The following HADHA variants were observed in gnomAD, a reference collection of about 807,000 sequenced individuals.
The protein encoded by HADHA is trifunctional enzyme subunit alpha, mitochondrial.
HADHA carries 59 observed loss-of-function variants against 91.3 expected under a neutral mutation model. That is an observed-to-expected ratio of 0.65 (90% confidence interval 0.52 to 0.80). HADHA has a LOEUF of 0.80. Among genes scored for constraint, HADHA ranks in the 30% least tolerant of loss-of-function variants. The probability of loss-of-function intolerance (pLI) is 0.00; values close to 1 mark genes in which losing one functional copy is unlikely to be tolerated. For missense variants in HADHA, 800 were observed against 927.6 expected (o/e 0.86, Z 1.79); for synonymous variants, 320 against 338.9 (o/e 0.94, Z 0.61).
chr2:26,205,929 AT>A (rs1434362548), intron 11 of HADHA, among the ~76,000 whole-genome samples: 6 of 152,182 alleles, frequency 3.9e-5, no homozygotes, highest in African/African-American at 7.2e-5. Flanking sequence ...GCATATATCA[AT>A]TTAAAAAGAC....
At position 26,230,245 on chromosome 2, in the gene HADHA, C is replaced by T. The variant is rs767488071; in HGVS notation, c.623G>A (p.Arg208His). The T allele has an allele frequency of 5.0e-6, 8 of 1,613,632 alleles. No individual in the cohort carries two copies. Among genetic ancestry groups the T allele is most frequent in the African/African-American group, 2.7e-5 (2 of 74,858 alleles). Residue 208 changes from arginine to histidine, a missense_variant, in exon 7 of 20, where the codon CGT (arginine) becomes CAT (histidine). Physicochemically the swap from Arg to His is conservative, Grantham distance 29. Transcript: ENST00000380649. Reference protein sequence around the residue: ...LDMMLTGRSIRADRAKKMGLV... With the variant: ...LDMMLTGRSIHADRAKKMGLV... ...TCCCATTTTCTTTGCCCTGTCTGCA[C>T]GAATGCTTCTACCAGTCAGCATCAT...
chr2:26,207,280 A>T (rs1016104862), intron 11 of HADHA, among the ~76,000 whole-genome samples: 4 of 151,270 alleles, frequency 2.6e-5, no homozygotes, highest in African/African-American at 9.7e-5. Context: ...ATTTATGATA[A>T]TTTTTTTGAA....
rs373288098 is a variant in HADHA at position 26,234,631 on chromosome 2, T to A, written c.315-276A>T. On this transcript the variant is annotated intron_variant, in intron 4 of 19. Coordinates refer to ENST00000380649, the MANE Select transcript of HADHA (RefSeq NM_000182.5). ...AATACAAAAAATTAGCTGGGCATAG[T>A]GGCGGGCGCCTGTAGTCCCAGCTAC... Among the ~76,000 whole-genome samples the A allele has an allele frequency of 1.8e-4, 27 of 152,024 alleles. No homozygotes were observed. The East Asian group carries it at 3.9e-3, about 22-fold the overall frequency.
At chr2:26,227,514 A>G (rs1670513634) in intron 7 of HADHA, among the ~76,000 whole-genome samples, 1 of 149,440 alleles carries the variant, frequency 6.7e-6, no homozygotes, top group African/African-American at 2.4e-5. Context: ...TTTGTCTCAA[A>G]AAAAAAAAAA....
Position 26,191,562 on chromosome 2 carries a change from C to A in HADHA, c.2067G>T (p.Leu689=). The change falls in exon 19 of 20, where the codon CTG becomes CTT. Residue 689 remains leucine (L), a synonymous_variant. Coordinates refer to ENST00000380649, the MANE Select transcript of HADHA (RefSeq NM_000182.5). ...TRFVNEAVMC[L]QEGILATPAE... is the part of the protein sequence containing the mutation. ...CAGGTGTGGCCAAGATCCCCTCTTG[C>A]AGGCACATGACTGCCTCATTCACAA... The A allele has an allele frequency of 6.2e-7, 1 of 1,614,152 alleles. No homozygotes were observed. Among genetic ancestry groups the A allele is most frequent in the Non-Finnish European group, 8.5e-7 (1 of 1,179,970 alleles).
rs1670556700 is a variant in HADHA, at chr2:26,229,290, T to G, written c.676+902A>C. On this transcript the variant is annotated intron_variant, in intron 7 of 19. Transcript: ENST00000380649. This position sits in a 1 kb window ranked among gnomAD's most constrained non-coding sequence, Gnocchi z 4.3. Reference sequence around the variant, plus strand: ...AAAGTTGAGGTTGCAACAAGCTATATTCACACCACCATATTCCAGTCTGAG... The same window carrying G: ...AAAGTTGAGGTTGCAACAAGCTATAGTCACACCACCATATTCCAGTCTGAG... Among the ~76,000 whole-genome samples the G allele has an allele frequency of 6.6e-6, 1 of 151,470 alleles. No homozygotes were observed. Among genetic ancestry groups the G allele is most frequent in the South Asian group, 2.1e-4 (1 of 4,812 alleles).
rs758107197 is a variant in HADHA at position 26,234,239 on chromosome 2, G to A, written c.431C>T (p.Ser144Phe). Residue 144 changes from serine to phenylalanine, a missense_variant, in exon 5 of 20, where the codon TCC becomes TTC. By Grantham distance (155) the Ser-to-Phe change is radical (BLOSUM62 -2). Coordinates refer to ENST00000380649, the MANE Select transcript of HADHA (RefSeq NM_000182.5). ...TKPIVAAINGSCLGGGLEVAI... is the reference protein window; with the variant it reads ...TKPIVAAINGFCLGGGLEVAI... ...TACCTCAAGTCCTCCTCCCAGGCAG[G>A]ATCCATTGATGGCAGCCACAATAGG... The A allele has an allele frequency of 1.2e-6, 2 of 1,613,928 alleles. No individual in the cohort carries two copies. The highest frequency in any genetic ancestry group is 1.7e-5 in the Admixed American group (1 of 60,022).
intron 7 of HADHA, among the ~76,000 whole-genome samples, chr2:26,226,492 G>A (rs1009171632): frequency 2.0e-5 from 3 of 152,098 alleles, no homozygotes; most frequent in Admixed American, 6.6e-5. Flanking sequence ...TAGATAACTA[G>A]GAATAGGAAA....
rs1558315187 is a variant in HADHA, at chr2:26,194,645, AG to A, written c.1621-8del. 6.2e-7 allele frequency: 1 copy of A among 1,600,516 alleles called. No individual in the cohort carries two copies. Among genetic ancestry groups the A allele is most frequent in the Non-Finnish European group, 8.6e-7 (1 of 1,168,208 alleles). On this transcript the variant is annotated splice_region_variant and splice_polypyrimidine_tract_variant and intron_variant, in intron 15 of 19. Transcript: ENST00000380649. ...TATAGAAGCCAGGTCCATCCTGCCA[AG>A]GAAGAGAACATGAGCTCCCTGGCCC... is the stretch of plus-strand genomic sequence containing the variant.
rs1194734977 is a variant in HADHA at position 26,229,956 on chromosome 2, T to C, written c.676+236A>G. ...GATCCTCCTGCCTCAGCCTCCCAAG[T>C]AGCTGGAACTACAGGTTTGCACCAC... On this transcript the variant is annotated intron_variant, in intron 7 of 19. Coordinates refer to ENST00000380649, the MANE Select transcript of HADHA (RefSeq NM_000182.5). The surrounding 1 kb of genome is among the most constrained non-coding windows in gnomAD (Gnocchi z 4.3). Among the ~76,000 whole-genome samples the C allele has an allele frequency of 6.6e-6, 1 of 152,120 alleles. No individual in the cohort carries two copies. Among genetic ancestry groups the C allele is most frequent in the Non-Finnish European group, 1.5e-5 (1 of 68,016 alleles).
intron 1 of HADHA, among the ~76,000 whole-genome samples, chr2:26,243,796 A>G (rs895984690): frequency 2.0e-5 from 3 of 152,232 alleles, no homozygotes; most frequent in Admixed American, 6.5e-5. Context: ...TTTCACTGCC[A>G]GTTTGAAAAG....
At chr2:26,193,895 G>T (rs1669585629) in intron 16 of HADHA, 123 bp from the exon 17 acceptor site, 2 of 744,896 alleles carry the variant, frequency 2.7e-6, no homozygotes, top group Non-Finnish European at 4.7e-6. Context: ...ACCTGACCAG[G>T]CCCAGGACTG....
At position 26,229,348 on chromosome 2, in the gene HADHA, G is replaced by GCACACACACACA. The variant is rs5830004; in HGVS notation, c.676+832_676+843dup. Among the ~76,000 whole-genome samples the GCACACACACACA allele has an allele frequency of 2.3e-3, 334 of 147,614 alleles. 2 individuals are homozygous for GCACACACACACA. The highest frequency in any genetic ancestry group is 7.7e-3 in the African/African-American group (307 of 39,644). On this transcript the variant is annotated intron_variant, in intron 7 of 19. Transcript: ENST00000380649. This position sits in a 1 kb window ranked among gnomAD's most constrained non-coding sequence, Gnocchi z 4.3. ...GTGAGACCCCAACATGTGTGCGCGCGCACACACACACACACACACACACAC... is the reference window on the plus strand; with the variant it reads ...GTGAGACCCCAACATGTGTGCGCGCGCACACACACACACACACACACACACACACACACACAC...
chr2:26,201,014 G>A (rs1219272481), intron 13 of HADHA, 135 bp downstream of exon 13: 19 of 747,294 alleles, frequency 2.5e-5, no homozygotes, highest in Non-Finnish European at 4.5e-5. Context: ...TTATAGGCGT[G>A]AGCCACCATG....
rs1671034433 is a variant in HADHA at position 26,244,617 on chromosome 2, AGTGGAGAGCGC to A, written c.-32_-22del. On this transcript the variant is annotated 5_prime_UTR_variant, in exon 1 of 20. Coordinates refer to ENST00000380649, the MANE Select transcript of HADHA (RefSeq NM_000182.5). ...ACCATCTTGAGCTGAAGAGGACAGC[AGTGGAGAGCGC>A]CTCTAACGGGTGCGGCCGAGCGGAG... is the stretch of plus-strand genomic sequence containing the variant. 12 of 1,566,092 alleles carry A rather than the reference AGTGGAGAGCGC, an allele frequency of 7.7e-6. No individual in the cohort carries two copies. In the East Asian group the frequency reaches 2.9e-4, roughly 37 times the overall value.
At chr2:26,238,785 C>T (rs1206098556) in intron 3 of HADHA, 149 bp downstream of exon 3, 1 of 687,430 alleles carries the variant, frequency 1.5e-6, no homozygotes, top group Non-Finnish European at 2.7e-6. Flanking sequence ...GGCAATCTGT[C>T]AAAGTTTAAC....
intron 10 of HADHA, 29 bp downstream of exon 10, chr2:26,212,541 A>G (rs763454605): frequency 2.2e-6 from 3 of 1,357,874 alleles, no homozygotes; most frequent in South Asian, 1.2e-5. Flanking sequence ...TTTAACTGAT[A>G]ATAAAACATT....
chr2:26,242,760 TTTTG>T (rs1048887087), intron 1 of HADHA, among the ~76,000 whole-genome samples: 7 of 152,298 alleles, frequency 4.6e-5, no homozygotes, highest in East Asian at 1.9e-4. Context: ...ACAATGTTTT[TTTTG>T]TTTGTTTGTT....
intron 7 of HADHA, among the ~76,000 whole-genome samples, chr2:26,217,467 T>C (rs1210639928): frequency 6.6e-6 from 1 of 152,074 alleles, no homozygotes; most frequent in Non-Finnish European, 1.5e-5. Context: ...AGATGCTCAA[T>C]GAATCCCAGA....
Sources: gnomAD v4.1 joint callset for allele counts (sites outside exome capture counted in the v4.1 genomes callset) on GRCh38, gnomAD v4.1.1 for gene constraint, Gnocchi (gnomAD v3.1) non-coding constraint, MANE v1.5 for transcripts, NCBI Gene and HGNC (gene_info 2026-07-23, HGNC 2026-07-21) for gene names.